SLC8A1: variants seen among roughly 807,000 people sequenced by gnomAD.
SLC8A1 encodes solute carrier family 8 member A1, also known as sodium/calcium exchanger 1.
In SLC8A1, 18 loss-of-function variants were observed where a neutral mutation model predicts 68.3. That is an observed-to-expected ratio of 0.26 (90% CI 0.18 to 0.39). The LOEUF is 0.39. Among genes scored for constraint, SLC8A1 ranks in the 10% least tolerant of loss-of-function variants. The pLI is 1.00. For synonymous variants in SLC8A1, 475 were observed against 415.5 expected (o/e 1.14, Z -1.74); for missense variants, 985 against 1,156.7 (o/e 0.85, Z 2.15).
chr2:40,483,723 C>T (rs370695647), intron 1 of SLC8A1, among the ~76,000 whole-genome samples: 2 of 152,310 alleles, frequency 1.3e-5, no homozygotes, highest in African/African-American at 4.8e-5. Context: ...GGCTGACGTA[C>T]TTCCTTTGCT....
chr2:40,156,311 C>G (rs1558556226), intron 6 of SLC8A1, among the ~76,000 whole-genome samples: 2 of 150,542 alleles, frequency 1.3e-5, no homozygotes, highest in Non-Finnish European at 2.9e-5. Context: ...GTGTTAAATT[C>G]TTTGCCAAGA....
intron 2 of SLC8A1, among the ~76,000 whole-genome samples, chr2:40,219,446 A>G (rs917656804): frequency 1.3e-5 from 2 of 152,212 alleles, no homozygotes; most frequent in African/African-American, 4.8e-5. Context: ...TCAATTTCTC[A>G]TCAACCTTTA....
exon 8 of SLC8A1, chr2:40,098,313 T>C (rs927977097): frequency 1.3e-5 from 2 of 152,172 alleles, no homozygotes; most frequent in African/African-American, 4.8e-5. Flanking sequence ...AGACATCAGT[T>C]TGAACAAAAT....
chr2:40,285,723 G>GTTT (rs2068198021), intron 2 of SLC8A1, among the ~76,000 whole-genome samples: 1 of 152,056 alleles, frequency 6.6e-6, no homozygotes, highest in Admixed American at 6.6e-5. Flanking sequence ...AGTGCTTTTG[G>GTTT]TTTTGTTCAT....
At chr2:40,122,541 C>T (rs1268734934) in intron 7 of SLC8A1, among the ~76,000 whole-genome samples, 1 of 152,158 alleles carries the variant, frequency 6.6e-6, no homozygotes, top group Non-Finnish European at 1.5e-5. Flanking sequence ...CTTTTGTCCC[C>T]AGCTACAAAT....
At chr2:40,406,550 G>A (rs1053892916) in intron 2 of SLC8A1, among the ~76,000 whole-genome samples, 5 of 152,138 alleles carry the variant, frequency 3.3e-5, no homozygotes, top group African/African-American at 1.2e-4. Context: ...GCCATCACAC[G>A]ATCTAAGGTG....
chr2:40,211,745 G>A (rs2056615029), intron 2 of SLC8A1, among the ~76,000 whole-genome samples: 1 of 152,154 alleles, frequency 6.6e-6, no homozygotes, highest in African/African-American at 2.4e-5. Context: ...TCCTTAAGGG[G>A]CTGGATTCAG....
chr2:40,139,717 G>C lies in SLC8A1; in HGVS notation c.2162-41C>G, dbSNP rs1010572340. 4 of 1,586,826 alleles carry C rather than the reference G, an allele frequency of 2.5e-6. No homozygotes were observed. In the African/African-American group the frequency reaches 5.4e-5, roughly 21 times the overall value. ...GGAAGCACATTTCATCACAACCTGTGTTGCCGGGTCTTCCTCTCTCTCAAT... is the reference window on the plus strand; with the variant it reads ...GGAAGCACATTTCATCACAACCTGTCTTGCCGGGTCTTCCTCTCTCTCAAT... On this transcript the variant is annotated intron_variant, in intron 6 of 7. Transcript: ENST00000406785.
chr2:40,136,663 T>C (rs2040549980), intron 7 of SLC8A1, among the ~76,000 whole-genome samples: 2 of 152,290 alleles, frequency 1.3e-5, no homozygotes, highest in South Asian at 2.1e-4. Flanking sequence ...TATTTTTCTT[T>C]ATTCTTCTGC....
intron 1 of SLC8A1, among the ~76,000 whole-genome samples, chr2:40,503,237 A>G (rs1372268878): frequency 6.6e-6 from 1 of 151,952 alleles, no homozygotes; most frequent in African/African-American, 2.4e-5. Flanking sequence ...TTTTCTCTAG[A>G]CTTTGCATAT....
chr2:40,467,929 C>T (rs1400261739), intron 1 of SLC8A1, among the ~76,000 whole-genome samples: 4 of 152,124 alleles, frequency 2.6e-5, no homozygotes, highest in African/African-American at 9.7e-5. Context: ...AATGTATTCA[C>T]TATTAAATAT....
At chr2:40,224,815 T>G (rs1027965673) in intron 2 of SLC8A1, among the ~76,000 whole-genome samples, 3 of 152,042 alleles carry the variant, frequency 2.0e-5, no homozygotes, top group Non-Finnish European at 2.9e-5. Flanking sequence ...ATATCCAGAA[T>G]CTACAAACAA....
intron 2 of SLC8A1, among the ~76,000 whole-genome samples, chr2:40,314,620 T>C (rs1232611219): frequency 6.6e-6 from 1 of 152,026 alleles, no homozygotes; most frequent in East Asian, 1.9e-4. Flanking sequence ...AAATATGATG[T>C]TTTCTGACCT....
At chr2:40,275,146 A>T (rs1227277104) in intron 2 of SLC8A1, among the ~76,000 whole-genome samples, 1 of 152,200 alleles carries the variant, frequency 6.6e-6, no homozygotes, top group African/African-American at 2.4e-5. Flanking sequence ...AATTGAGTTG[A>T]AGCTGTTGTA....
chr2:40,366,597 C>T (rs1319452847), intron 2 of SLC8A1, among the ~76,000 whole-genome samples: 1 of 151,952 alleles, frequency 6.6e-6, no homozygotes, highest in Non-Finnish European at 1.5e-5. Context: ...GAGGAGGCAA[C>T]AGGCTTAAAG....
intron 4 of SLC8A1, among the ~76,000 whole-genome samples, chr2:40,169,564 A>C (rs2047104228): frequency 1.3e-5 from 2 of 152,144 alleles, no homozygotes; most frequent in African/African-American, 4.8e-5. Flanking sequence ...CAGATGTACT[A>C]TCATCTGGGC....
At chr2:40,411,952 C>T (rs181384252) in intron 2 of SLC8A1, among the ~76,000 whole-genome samples, 1 of 152,028 alleles carries the variant, frequency 6.6e-6, no homozygotes, top group African/African-American at 2.4e-5. Context: ...ATAGTTCTAA[C>T]CTTTTTGTAC....
intron 2 of SLC8A1, among the ~76,000 whole-genome samples, chr2:40,248,563 T>A (rs2062230678): frequency 6.6e-6 from 1 of 152,170 alleles, no homozygotes; most frequent in South Asian, 2.1e-4. Flanking sequence ...TACATTTCTG[T>A]TGTTATAAGC....
Position 40,232,707 on chromosome 2 carries a change from G to A in SLC8A1, c.1809-54852C>T, listed in dbSNP as rs1161577174. Among the ~76,000 whole-genome samples, 4 of 119,536 alleles carry A rather than the reference G, an allele frequency of 3.3e-5. No individual in the cohort carries two copies. In the East Asian group the frequency reaches 8.5e-4, roughly 25 times the overall value. The allele number at this position is 119,536 out of a possible 152,430, so 78.4% of individuals were successfully genotyped here. On this transcript the variant is annotated intron_variant, in intron 2 of 7. Coordinates refer to ENST00000406785, the Ensembl canonical transcript of SLC8A1. ...GCTGGTGTGCTGCACCCACTAACTC[G>A]TCATCTAGCATTAGGTATATCTCCC...
Sources: allele counts gnomAD v4.1 joint callset (sites outside exome capture counted in the v4.1 genomes callset), GRCh38; gene constraint gnomAD v4.1.1; transcripts MANE v1.5; gene names NCBI Gene and HGNC (gene_info 2026-07-23, HGNC 2026-07-21).